The following IQCM variants were observed in gnomAD, a reference collection of about 807,000 sequenced individuals.
The protein encoded by IQCM is IQ domain-containing protein M.
Under a neutral mutation model 57.6 loss-of-function variants are expected in IQCM, and 45 were observed. That is an observed-to-expected ratio of 0.78 (90% CI 0.62 to 1.00). IQCM has a LOEUF of 1.00. Ranked by LOEUF, IQCM falls within the 50% of genes least tolerant of loss-of-function variation. The pLI is 0.00. For synonymous variants in IQCM, 148 were observed against 158.9 expected (o/e 0.93, Z 0.51); for missense variants, 468 against 511.6 (o/e 0.91, Z 0.82).
intron 9 of IQCM, among the ~76,000 whole-genome samples, chr4:149,566,174 G>T (rs974368337): frequency 2.6e-5 from 4 of 152,172 alleles, no homozygotes; most frequent in Non-Finnish European, 4.4e-5. Context: ...AGGTGAAATG[G>T]TAATGATTAC....
chr4:149,516,840 C>G (rs1745019366), intron 12 of IQCM, among the ~76,000 whole-genome samples: 1 of 152,084 alleles, frequency 6.6e-6, no homozygotes, highest in South Asian at 2.1e-4. Flanking sequence ...GTTAAGATTA[C>G]TACCTGGTCA....
intron 8 of IQCM, among the ~76,000 whole-genome samples, chr4:149,609,068 T>A (rs765478186): frequency 6.6e-6 from 1 of 151,740 alleles, no homozygotes; most frequent in African/African-American, 2.4e-5. Flanking sequence ...GATATTCCAC[T>A]GATACCACAG....
chr4:149,358,207 C>T (rs1403478400), intron 13 of IQCM, among the ~76,000 whole-genome samples: 5 of 152,160 alleles, frequency 3.3e-5, no homozygotes, highest in African/African-American at 1.2e-4. Flanking sequence ...CTCCTGGATT[C>T]ATTGATTTTT....
At chr4:149,503,213 C>A (rs1195328219) in intron 12 of IQCM, among the ~76,000 whole-genome samples, 1 of 151,982 alleles carries the variant, frequency 6.6e-6, no homozygotes, top group Non-Finnish European at 1.5e-5. Context: ...AGAGCAAGAC[C>A]CTGTCTCTAC....
intron 12 of IQCM, among the ~76,000 whole-genome samples, chr4:149,482,425 T>C (rs7356209): frequency 0.54 from 81,346 of 151,708 alleles, 22,039 homozygotes; most frequent in Non-Finnish European, 0.57. Flanking sequence ...CTGTCATAAA[T>C]GGCTTTTATT....
intron 10 of IQCM, among the ~76,000 whole-genome samples, chr4:149,559,626 G>A (rs1353495188): frequency 6.6e-6 from 1 of 152,158 alleles, no homozygotes; most frequent in Admixed American, 6.5e-5. Flanking sequence ...ACTAGACTAT[G>A]TATGCTCTTC....
chr4:149,574,661 A>G (rs1751473675), intron 9 of IQCM, among the ~76,000 whole-genome samples: 1 of 152,000 alleles, frequency 6.6e-6, no homozygotes, highest in Non-Finnish European at 1.5e-5. Flanking sequence ...ACATTTGAAC[A>G]GGGAATTTCC....
chr4:149,723,622 C>A (rs990988528), intron 5 of IQCM, among the ~76,000 whole-genome samples: 3 of 151,906 alleles, frequency 2.0e-5, no homozygotes, highest in Admixed American at 1.3e-4. Context: ...CATCCCTGCA[C>A]CCCTGGGATG....
At chr4:149,498,469 G>A (rs968809529) in intron 12 of IQCM, among the ~76,000 whole-genome samples, 1 of 152,128 alleles carries the variant, frequency 6.6e-6, no homozygotes, top group African/African-American at 2.4e-5. Flanking sequence ...CGACTTCCTT[G>A]TAGGCATTTC....
chr4:149,474,789 C>T (rs1414343394), intron 12 of IQCM, among the ~76,000 whole-genome samples: 1 of 151,584 alleles, frequency 6.6e-6, no homozygotes, highest in Non-Finnish European at 1.5e-5. Context: ...ATCATTTGAG[C>T]TAAGACTTAA....
intron 12 of IQCM, among the ~76,000 whole-genome samples, chr4:149,539,055 AG>A: frequency 6.6e-6 from 1 of 152,278 alleles, no homozygotes; most frequent in Non-Finnish European, 1.5e-5. Context: ...GTCTAGTAAA[AG>A]ATGCTCAGCA....
At chr4:149,510,742 G>A (rs1330225009) in intron 12 of IQCM, among the ~76,000 whole-genome samples, 2 of 152,028 alleles carry the variant, frequency 1.3e-5, no homozygotes, top group African/African-American at 2.4e-5. Flanking sequence ...CCTAAATTTG[G>A]ATTTGTCTGA....
intron 10 of IQCM, among the ~76,000 whole-genome samples, chr4:149,555,761 C>G (rs1351463280): frequency 2.0e-5 from 3 of 152,112 alleles, no homozygotes; most frequent in Non-Finnish European, 4.4e-5. Context: ...TAGAAAAGTT[C>G]CCTCTTGGAA....
intron 12 of IQCM, among the ~76,000 whole-genome samples, chr4:149,476,319 G>A (rs552032458): frequency 1.3e-5 from 2 of 152,288 alleles, no homozygotes; most frequent in East Asian, 3.9e-4. Flanking sequence ...AATTCAAAAT[G>A]AATCTTAGTT....
At chr4:149,727,543 T>C (rs558429480) in intron 5 of IQCM, among the ~76,000 whole-genome samples, 67 of 152,294 alleles carry the variant, frequency 4.4e-4, no homozygotes, top group African/African-American at 1.6e-3. Context: ...ATGTGAAATT[T>C]TTTTCTGAGT....
intron 7 of IQCM, among the ~76,000 whole-genome samples, chr4:149,657,658 C>G (rs1368061077): frequency 6.6e-6 from 1 of 152,046 alleles, no homozygotes; most frequent in Non-Finnish European, 1.5e-5. Context: ...TCTATATCTT[C>G]GTTAATACTT....
At chr4:149,390,824 T>C (rs1731797722) in intron 13 of IQCM, among the ~76,000 whole-genome samples, 1 of 151,974 alleles carries the variant, frequency 6.6e-6, no homozygotes, top group Admixed American at 6.6e-5. Context: ...TTTAGTATTT[T>C]GTTGAGGATT....
chr4:149,638,856 C>T (rs1415184895), intron 7 of IQCM, among the ~76,000 whole-genome samples: 2 of 151,888 alleles, frequency 1.3e-5, no homozygotes, highest in African/African-American at 2.4e-5. Flanking sequence ...GAAAGCATCA[C>T]GTGGCTTTAC....
In IQCM at chr4:149,538,472, C is replaced by T. The variant is rs191426825; in HGVS notation, c.1228+9983G>A. Among the ~76,000 whole-genome samples, 168 of 151,686 alleles carry T rather than the reference C, an allele frequency of 1.1e-3. 1 individual carries two copies. Among genetic ancestry groups the T allele is most frequent in the African/African-American group, 4.0e-3 (164 of 41,446 alleles). On this transcript the variant is annotated intron_variant, in intron 12 of 13. Transcript: ENST00000636793. ...AAAAGAAGGAAGTAAAGGAGGAACA[C>T]GGGGACAAAGGAGACGTGAATCATA...
Sources: allele counts gnomAD v4.1 joint callset (sites outside exome capture counted in the v4.1 genomes callset), GRCh38; gene constraint gnomAD v4.1.1; transcripts MANE v1.5; gene names NCBI Gene and HGNC (gene_info 2026-07-23, HGNC 2026-07-21).